Variants in RPTOR observed in about 807,000 individuals in gnomAD.
RPTOR encodes regulatory associated protein of MTOR complex 1, also known as regulatory-associated protein of mTOR.
A neutral mutation model predicts 169.9 loss-of-function variants in RPTOR; 21 were observed. That is an observed-to-expected ratio of 0.12 (90% CI 0.09 to 0.18). RPTOR has a LOEUF of 0.18. RPTOR is among the 10% of genes least tolerant of loss of function. The pLI is 1.00. For missense variants in RPTOR, 1,133 were observed against 1,855.9 expected (o/e 0.61, Z 7.16); for synonymous variants, 732 against 753.2 (o/e 0.97, Z 0.46).
intron 3 of RPTOR, among the ~76,000 whole-genome samples, chr17:80,700,749 TGG>T (rs1346503212): frequency 4.8e-5 from 7 of 145,266 alleles, no homozygotes; most frequent in Non-Finnish European, 7.8e-5. Context: ...GTGGTGGTGG[TGG>T]TGATGATGGT....
rs534765468 is a variant in RPTOR at position 80,739,940 on chromosome 17, CAG to C, written c.654+9236_654+9237del. Among the ~76,000 whole-genome samples, 616 of 151,928 alleles carry C rather than the reference CAG, an allele frequency of 4.1e-3. 2 individuals are homozygous for C. Among genetic ancestry groups the C allele is most frequent in the Middle Eastern group, 0.01 (3 of 294 alleles). On this transcript the variant is annotated intron_variant, in intron 5 of 33. Coordinates refer to ENST00000306801, the MANE Select transcript of RPTOR (RefSeq NM_020761.3). ...GCAGTCAGAAGAAAGGAAATAATAACAGAAATCATTAAAATTGAAAACAGAAA... is the reference window on the plus strand; with the variant it reads ...GCAGTCAGAAGAAAGGAAATAATAACAAATCATTAAAATTGAAAACAGAAA...
intron 1 of RPTOR, among the ~76,000 whole-genome samples, chr17:80,549,562 CT>C (rs2084320340): frequency 6.6e-6 from 1 of 152,174 alleles, no homozygotes; most frequent in African/African-American, 2.4e-5. Flanking sequence ...ATCCACCTGC[CT>C]CGGCCTCCCA....
chr17:80,684,018 G>A (rs532223117), intron 3 of RPTOR, among the ~76,000 whole-genome samples: 28 of 152,292 alleles, frequency 1.8e-4, no homozygotes, highest in African/African-American at 6.0e-4. Flanking sequence ...CAGAATTGCC[G>A]TCTCGTACCA....
chr17:80,658,468 T>C (rs1263264805), intron 3 of RPTOR, among the ~76,000 whole-genome samples: 8 of 152,228 alleles, frequency 5.3e-5, no homozygotes, highest in Non-Finnish European at 1.2e-4. Context: ...AGTCTTAATA[T>C]TGGTGCTTTG....
chr17:80,768,541 C>T (rs941312949), intron 6 of RPTOR, among the ~76,000 whole-genome samples: 3 of 152,144 alleles, frequency 2.0e-5, no homozygotes, highest in Non-Finnish European at 2.9e-5. Flanking sequence ...AAATACTGCA[C>T]GGGAAAGAGT....
Position 80,707,826 on chromosome 17 carries a change from C to A in RPTOR, c.349-15C>A. The A allele has an allele frequency of 6.2e-7, 1 of 1,605,962 alleles. No individual in the cohort carries two copies. The highest frequency in any genetic ancestry group is 1.1e-5 in the South Asian group (1 of 90,652). ...GAGTCCGTGGTAAATTTCTTCATTT[C>A]TTCTCCTGCAACAGGCCCGGTACAA... On this transcript the variant is annotated splice_polypyrimidine_tract_variant and intron_variant, in intron 3 of 33. Transcript: ENST00000306801. The surrounding 1 kb of genome is among the most constrained non-coding windows in gnomAD (Gnocchi z 5.0).
At chr17:80,925,967 G>A (rs532196560) in intron 24 of RPTOR, among the ~76,000 whole-genome samples, 2 of 152,248 alleles carry the variant, frequency 1.3e-5, no homozygotes, top group Admixed American at 6.5e-5. Context: ...GGGGCAGGGC[G>A]GCGGCTCTCG....
At chr17:80,962,884 CAAAG>C (rs773151253) in intron 32 of RPTOR, 40 bp from the exon 33 acceptor site, 3 of 1,610,154 alleles carry the variant, frequency 1.9e-6, no homozygotes, top group Non-Finnish European at 1.7e-6. Context: ...CTTCCATCCT[CAAAG>C]AAGAGGGCAG....
intron 13 of RPTOR, among the ~76,000 whole-genome samples, chr17:80,870,325 A>G (rs2068038486): frequency 6.6e-6 from 1 of 152,350 alleles, no homozygotes; most frequent in South Asian, 2.1e-4. Context: ...AACCCGCACT[A>G]TGAAGAAAAG....
intron 1 of RPTOR, among the ~76,000 whole-genome samples, chr17:80,556,503 C>T (rs1431145306): frequency 6.6e-6 from 1 of 152,062 alleles, no homozygotes; most frequent in Non-Finnish European, 1.5e-5. Flanking sequence ...AATAGAGTGA[C>T]ACCCTGCTTC....
chr17:80,954,973 A>G (rs1236596055), intron 28 of RPTOR, among the ~76,000 whole-genome samples: 1 of 152,218 alleles, frequency 6.6e-6, no homozygotes. Flanking sequence ...AAAAACTGCA[A>G]GATACCTAGG....
In RPTOR at chr17:80,861,144, C is replaced by A. The variant is rs189586861; in HGVS notation, c.1509+3244C>A. ...AAAGCACTGGATTTAAGGTTAAAAC[C>A]CTGAGTTTGATCCCATCACCGCATT... On this transcript the variant is annotated intron_variant, in intron 13 of 33. Coordinates refer to ENST00000306801, the MANE Select transcript of RPTOR (RefSeq NM_020761.3). The surrounding 1 kb of genome is among the most constrained non-coding windows in gnomAD (Gnocchi z 4.5). Among the ~76,000 whole-genome samples, 51 of 144,960 alleles carry A rather than the reference C, an allele frequency of 3.5e-4. 9 individuals are homozygous for A. Among genetic ancestry groups the A allele is most frequent in the Admixed American group, 2.5e-3 (37 of 14,626 alleles).
chr17:80,931,694 TGC>T (rs1159199130), intron 24 of RPTOR, among the ~76,000 whole-genome samples: 3 of 152,200 alleles, frequency 2.0e-5, no homozygotes, highest in Non-Finnish European at 4.4e-5. Flanking sequence ...GGCGAGGACC[TGC>T]CACGTGTGGC....
chr17:80,611,769 T>TA (rs146259280), intron 1 of RPTOR, among the ~76,000 whole-genome samples: 48,241 of 142,378 alleles, frequency 0.34, 8,699 homozygotes, highest in African/African-American at 0.49. Flanking sequence ...TTTTTTTTTT[T>TA]AAAAAAAACA....
chr17:80,924,752 G>A (rs569745553), intron 23 of RPTOR, among the ~76,000 whole-genome samples: 10 of 152,210 alleles, frequency 6.6e-5, no homozygotes, highest in African/African-American at 2.4e-4. Flanking sequence ...AGAGACGCCA[G>A]CAGGCCACAT....
intron 3 of RPTOR, among the ~76,000 whole-genome samples, chr17:80,652,220 A>G (rs949342872): frequency 1.3e-5 from 2 of 151,988 alleles, no homozygotes; most frequent in African/African-American, 2.4e-5. Flanking sequence ...ACATCTTTGC[A>G]ATCTTGTGCA....
chr17:80,942,510 CAG>C (rs1265520360), intron 25 of RPTOR, among the ~76,000 whole-genome samples: 6 of 152,006 alleles, frequency 3.9e-5, no homozygotes, highest in African/African-American at 9.7e-5. Flanking sequence ...CCTCAAGACA[CAG>C]GGGATGGTGC....
chr17:80,858,770 AGAG>A (rs1389121714), intron 13 of RPTOR, among the ~76,000 whole-genome samples: 2 of 152,164 alleles, frequency 1.3e-5, no homozygotes, highest in Admixed American at 1.3e-4. Flanking sequence ...GAAGACATTT[AGAG>A]GAGGGCAGGC....
intron 3 of RPTOR, among the ~76,000 whole-genome samples, chr17:80,697,402 T>G (rs927261936): frequency 6.6e-6 from 1 of 152,256 alleles, no homozygotes. Flanking sequence ...CCGTCTGGTC[T>G]TTCAGCCTTC....
Sources: gnomAD v4.1 joint callset for allele counts (sites outside exome capture counted in the v4.1 genomes callset) on GRCh38, gnomAD v4.1.1 for gene constraint, Gnocchi (gnomAD v3.1) non-coding constraint, MANE v1.5 for transcripts, NCBI Gene and HGNC (gene_info 2026-07-23, HGNC 2026-07-21) for gene names.